The following CACNA1C variants were observed in gnomAD, a reference collection of about 807,000 sequenced individuals.
CACNA1C encodes voltage-dependent L-type calcium channel subunit alpha-1C.
CACNA1C carries 30 observed loss-of-function variants against 229.0 expected under a neutral mutation model. The observed-to-expected ratio is 0.13, with a 90% confidence interval of 0.10 to 0.18. The LOEUF (loss-of-function observed/expected upper bound fraction) is 0.18. Ranked by LOEUF, CACNA1C falls within the 10% of genes least tolerant of loss-of-function variation. CACNA1C has a pLI of 1.00. For missense variants in CACNA1C, 1,658 were observed against 2,845.0 expected, an observed-to-expected ratio of 0.58 and a Z score of 9.49; for synonymous variants, 1,114 against 1,132.5, an observed-to-expected ratio of 0.98 and a Z score of 0.33.
chr12:1,998,692 A>G (rs561681927), intron 1 of CACNA1C, among the ~76,000 whole-genome samples: 1 of 152,336 alleles, frequency 6.6e-6, no homozygotes, highest in African/African-American at 2.4e-5. Context: ...CATTTCTCCA[A>G]AGGCAGGAAG....
At position 2,651,485 on chromosome 12, in the gene CACNA1C, C is replaced by T. The variant is rs1268959499; in HGVS notation, c.3946-155C>T. On this transcript the variant is annotated intron_variant, in intron 31 of 46. Transcript: ENST00000399655. The surrounding 1 kb of genome is among the most constrained non-coding windows in gnomAD (Gnocchi z 5.4). ...TGGGCTGTCCACTCATTAAAGTGGGCGGCCGCCCTCCCATCGGAGGGGGAA... is the reference window on the plus strand; with the variant it reads ...TGGGCTGTCCACTCATTAAAGTGGGTGGCCGCCCTCCCATCGGAGGGGGAA... 15 of 1,062,602 alleles carry T rather than the reference C, an allele frequency of 1.4e-5. No homozygotes were observed. The highest frequency in any genetic ancestry group is 2.2e-4 in the Middle Eastern group (1 of 4,608). The allele number at this position is 1,062,602 out of a possible 1,614,324, so 65.8% of individuals were successfully genotyped here.
intron 9 of CACNA1C, among the ~76,000 whole-genome samples, chr12:2,529,275 G>A (rs749206139): frequency 2.6e-5 from 4 of 152,040 alleles, no homozygotes; most frequent in Admixed American, 6.6e-5. Flanking sequence ...GGTCTTACCC[G>A]CTCCTTCATG....
chr12:2,156,277 G>T (rs1453576255), intron 3 of CACNA1C, among the ~76,000 whole-genome samples: 2 of 152,160 alleles, frequency 1.3e-5, no homozygotes, highest in Non-Finnish European at 2.9e-5. Context: ...ATAAAAATAT[G>T]TCATATGTAC....
At position 2,666,545 on chromosome 12, in the gene CACNA1C, C is replaced by T. The variant is rs1483074434; in HGVS notation, c.4527-141C>T. The T allele has an allele frequency of 1.5e-5, 9 of 593,028 alleles. No homozygotes were observed. Among genetic ancestry groups the T allele is most frequent in the Admixed American group, 5.9e-5 (2 of 34,104 alleles). The allele number at this position is 593,028 out of a possible 1,614,324, so 36.7% of individuals were successfully genotyped here. A position where few individuals can be genotyped will look rare whatever the true frequency, so the allele number is the denominator to read the frequency against. ...TGTCATGCAATTCTGCAACTCTGTA[C>T]TGAGTGTGACTAATAGGGCTACCAC... On this transcript the variant is annotated intron_variant, in intron 36 of 46. Transcript: ENST00000399655. The surrounding 1 kb of genome is among the most constrained non-coding windows in gnomAD (Gnocchi z 5.3).
Position 2,691,377 on chromosome 12 carries a change from C to T in CACNA1C, c.*178C>T. On this transcript the variant is annotated 3_prime_UTR_variant, in exon 47 of 47. Transcript: ENST00000399655. ...GAGCCGCCCTCCGGGAGGAAGGCGC[C>T]CGGCTGCGTCTGCAGAGGCGGGGAG... The T allele has an allele frequency of 1.6e-6, 1 of 609,216 alleles. No homozygotes were observed. Among genetic ancestry groups the T allele is most frequent in the South Asian group, 6.1e-5 (1 of 16,304 alleles). 37.7% of individuals were successfully genotyped at this position (609,216 alleles called of 1,614,324 possible).
intron 3 of CACNA1C, among the ~76,000 whole-genome samples, chr12:2,248,786 G>T (rs142717516): frequency 6.6e-6 from 1 of 152,218 alleles, no homozygotes; most frequent in Non-Finnish European, 1.5e-5. Context: ...CAACCTTGGC[G>T]GTGACGGACT....
chr12:2,053,297 T>C lies in CACNA1C; in HGVS notation c.-266T>C. The C allele has an allele frequency of 8.5e-7, 1 of 1,182,904 alleles. No homozygotes were observed. The highest frequency in any genetic ancestry group is 1.0e-6 in the Non-Finnish European group (1 of 954,750). 73.3% of individuals were successfully genotyped at this position (1,182,904 alleles called of 1,614,324 possible). On this transcript the variant is annotated 5_prime_UTR_variant, in exon 1 of 47. Transcript: ENST00000399655. This position sits in a 1 kb window ranked among gnomAD's most constrained non-coding sequence, Gnocchi z 5.8. ...CGCCGGAGGTGCGGTGCTCAGTTCT[T>C]GGAAGGGGCCCGGATGTACTGAGGA...
chr12:2,588,089 AG>A (rs759627299), intron 18 of CACNA1C, among the ~76,000 whole-genome samples: 20 of 152,128 alleles, frequency 1.3e-4, no homozygotes, highest in Admixed American at 3.9e-4. Flanking sequence ...CTCCACAGTC[AG>A]CTCCTGGATC....
At chr12:2,098,054 G>C (rs1177925720) in intron 1 of CACNA1C, among the ~76,000 whole-genome samples, 2 of 152,234 alleles carry the variant, frequency 1.3e-5, no homozygotes, top group African/African-American at 2.4e-5. Context: ...TGATTTGTCT[G>C]AGTGCGCAGA....
At chr12:2,294,185 T>A (rs1447476229) in intron 3 of CACNA1C, among the ~76,000 whole-genome samples, 1 of 152,122 alleles carries the variant, frequency 6.6e-6, no homozygotes, top group Non-Finnish European at 1.5e-5. Flanking sequence ...ACAGAGGAAG[T>A]GCTTTTTGCC....
chr12:2,605,042 CAGG>C lies in CACNA1C; in HGVS notation c.2961-33_2961-31del, dbSNP rs757894369. The C allele has an allele frequency of 1.4e-6, 2 of 1,469,810 alleles. No individual in the cohort carries two copies. Among genetic ancestry groups the C allele is most frequent in the Non-Finnish European group, 1.9e-6 (2 of 1,048,610 alleles). 91.0% of individuals were successfully genotyped at this position (1,469,810 alleles called of 1,614,324 possible). A position where few individuals can be genotyped will look rare whatever the true frequency, so the allele number is the denominator to read the frequency against. ...ACATTATTTTTGCTCCCCCCAGAAA[CAGG>C]AGGAGCTTACTACCCTGCCTGTTTC... On this transcript the variant is annotated intron_variant, in intron 22 of 46. Transcript: ENST00000399655. This position sits in a 1 kb window ranked among gnomAD's most constrained non-coding sequence, Gnocchi z 6.2.
At chr12:2,278,574 G>A (rs893727734) in intron 3 of CACNA1C, among the ~76,000 whole-genome samples, 7 of 152,224 alleles carry the variant, frequency 4.6e-5, no homozygotes, top group African/African-American at 1.7e-4. Flanking sequence ...TGGATGTACT[G>A]ATAGCTTATT....
At chr12:2,166,849 G>A (rs1351750189) in intron 3 of CACNA1C, among the ~76,000 whole-genome samples, 1 of 152,182 alleles carries the variant, frequency 6.6e-6, no homozygotes, top group Non-Finnish European at 1.5e-5. Flanking sequence ...AGAAGACTAG[G>A]CAGCAGGCTT....
rs963662041 is a variant in CACNA1C, at chr12:2,467,220, G to A, written c.757+9514G>A. On this transcript the variant is annotated intron_variant, in intron 5 of 46. Coordinates refer to ENST00000399655, the MANE Select transcript of CACNA1C (RefSeq NM_000719.7). The surrounding 1 kb of genome is among the most constrained non-coding windows in gnomAD (Gnocchi z 4.6). ...CACAGGAAGTACTCAAACCTTGTCC[G>A]CTGTATGTGTCTCATGGCACTGTTC... 4.6e-5 allele frequency among the ~76,000 whole-genome samples: 7 copies of A among 152,108 alleles called. No homozygotes were observed. Among genetic ancestry groups the A allele is most frequent in the African/African-American group, 1.4e-4 (6 of 41,432 alleles).
At chr12:2,391,659 A>G (rs1177782438) in intron 3 of CACNA1C, among the ~76,000 whole-genome samples, 1 of 152,168 alleles carries the variant, frequency 6.6e-6, no homozygotes, top group Non-Finnish European at 1.5e-5. Flanking sequence ...TGGGGCAAAG[A>G]CAAGGTGTGA....
At chr12:2,303,305 T>C (rs555452743) in intron 3 of CACNA1C, among the ~76,000 whole-genome samples, 6 of 152,230 alleles carry the variant, frequency 3.9e-5, no homozygotes, top group Non-Finnish European at 8.8e-5. Flanking sequence ...AGGCTGGAGA[T>C]CTGAGATCAA....
At chr12:2,386,227 C>A (rs2098386215) in intron 3 of CACNA1C, among the ~76,000 whole-genome samples, 1 of 152,120 alleles carries the variant, frequency 6.6e-6, no homozygotes. Flanking sequence ...TACAAATCAG[C>A]CCCTGCCCCC....
At chr12:2,527,153 C>T (rs757113734) in intron 9 of CACNA1C, among the ~76,000 whole-genome samples, 13 of 152,108 alleles carry the variant, frequency 8.5e-5, no homozygotes, top group South Asian at 2.1e-4. Flanking sequence ...GTTCTAAAAC[C>T]TTATTTGCTA....
At chr12:2,333,313 A>C (rs1593112180) in intron 3 of CACNA1C, among the ~76,000 whole-genome samples, 1 of 152,100 alleles carries the variant, frequency 6.6e-6, no homozygotes, top group Non-Finnish European at 1.5e-5. Context: ...AGACTCCAAA[A>C]CCTGTGCTCT....
Sources: gnomAD v4.1 joint callset for allele counts (sites outside exome capture counted in the v4.1 genomes callset) on GRCh38, gnomAD v4.1.1 for gene constraint, Gnocchi (gnomAD v3.1) non-coding constraint, MANE v1.5 for transcripts, NCBI Gene and HGNC (gene_info 2026-07-23, HGNC 2026-07-21) for gene names.